Variants in CHKB observed in about 807,000 individuals in gnomAD.
The protein encoded by CHKB is choline kinase beta, also known as choline/ethanolamine kinase.
CHKB carries 45 observed loss-of-function variants against 57.3 expected under a neutral mutation model. That is an observed-to-expected ratio of 0.79 (90% CI 0.62 to 1.01). The LOEUF (loss-of-function observed/expected upper bound fraction) is 1.01, where lower values mean the gene tolerates loss of function less well. CHKB is among the 50% of genes least tolerant of loss of function. The pLI, the probability that CHKB is intolerant of heterozygous loss-of-function variation, is 0.00. For missense variants in CHKB, 517 were observed against 502.8 expected (o/e 1.03, Z -0.27); for synonymous variants, 224 against 201.8 (o/e 1.11, Z -0.93).
At chr22:50,581,210 C>T (rs571033372) in intron 4 of CHKB, among the ~76,000 whole-genome samples, 7 of 152,324 alleles carry the variant, frequency 4.6e-5, no homozygotes, top group Non-Finnish European at 7.4e-5. Context: ...AAGTGATCCT[C>T]CCACCTCACC....
rs86337 is a variant in CHKB at position 50,582,239 on chromosome 22, C to A, written c.333+10G>T. ...AGCCACTGGTGCTGCGGCGCTCACA[C>A]CCCCCTCACCTGCAAGATGGCTCCG... On this transcript the variant is annotated intron_variant, in intron 2 of 10. Coordinates refer to ENST00000406938, the MANE Select transcript of CHKB (RefSeq NM_005198.5). The A allele has an allele frequency of 0.6, 943,083 of 1,572,346 alleles. 287,622 individuals carry two copies. Among genetic ancestry groups the A allele is most frequent in the East Asian group, 0.96 (41,313 of 42,970 alleles).
chr22:50,580,668 C>A lies in CHKB; in HGVS notation c.582-8G>T. On this transcript the variant is annotated splice_region_variant and splice_polypyrimidine_tract_variant and intron_variant, in intron 4 of 10. Transcript: ENST00000406938. ...TGGATCTGTTTTAGGTACCTGAAGC[C>A]CAAAGAATAGGATACACTGGCTCTG... 1 of 1,613,592 alleles carries A rather than the reference C, an allele frequency of 6.2e-7. No homozygotes were observed.
At chr22:50,581,040 C>T (rs1447063855) in intron 4 of CHKB, among the ~76,000 whole-genome samples, 6 of 152,170 alleles carry the variant, frequency 3.9e-5, no homozygotes, top group South Asian at 2.1e-4. Context: ...CTCAGCCTCC[C>T]GAAGTGCTAG....
chr22:50,581,258 G>A (rs537001006), intron 4 of CHKB, among the ~76,000 whole-genome samples, 162 bp downstream of exon 4: 1 of 152,322 alleles, frequency 6.6e-6, no homozygotes, highest in East Asian at 1.9e-4. Flanking sequence ...ACAGGCATGA[G>A]GCACTGCATG....
rs1279414930 is a variant in CHKB, at chr22:50,581,878, C to T, written c.334-16G>A. ...AGTCCACGCCCTGAAAAAGGATGGA[C>T]AGCAAAGGGGCCAAGGCAAAGTGGC... On this transcript the variant is annotated splice_polypyrimidine_tract_variant and intron_variant, in intron 2 of 10. Transcript: ENST00000406938. The T allele has an allele frequency of 1.9e-6, 3 of 1,611,396 alleles. No individual in the cohort carries two copies. In the South Asian group the frequency reaches 3.3e-5, roughly 18 times the overall value.
chr22:50,582,471 G>T, intron 1 of CHKB, 87 bp downstream of exon 1: 2 of 1,483,556 alleles, frequency 1.3e-6, no homozygotes, highest in East Asian at 2.8e-5. Context: ...GCAAGAGGGG[G>T]GCGAAAACAT....
At chr22:50,580,489 G>A (rs1165067503) in intron 5 of CHKB, 73 bp from the exon 6 acceptor site, 4 of 1,609,604 alleles carry the variant, frequency 2.5e-6, no homozygotes, top group Non-Finnish European at 3.4e-6. Context: ...TAACAGGCCA[G>A]GCCCTGACAC....
chr22:50,579,190 G>A lies in CHKB; in HGVS notation c.1179C>T (p.Ser393=). 6.2e-7 allele frequency: 1 copy of A among 1,613,672 alleles called. No individual in the cohort carries two copies. Among genetic ancestry groups the A allele is most frequent in the African/African-American group, 1.3e-5 (1 of 75,016 alleles). ...QQKGQLTSVH[S]SS Reference sequence around the variant, plus strand: ...GAGTGGGAGGGTGGAGTCAGGATGAGGAGTGGACACTGGTCAGCTGCCCCT... The same window carrying A: ...GAGTGGGAGGGTGGAGTCAGGATGAAGAGTGGACACTGGTCAGCTGCCCCT... The change falls in exon 11 of 11, where the codon TCC becomes TCT. Residue 393 remains serine (S), a synonymous_variant. Transcript: ENST00000406938.
chr22:50,580,151 T>C, intron 7 of CHKB, 39 bp downstream of exon 7: 4 of 1,613,272 alleles, frequency 2.5e-6, no homozygotes, highest in Non-Finnish European at 3.4e-6. Flanking sequence ...AAGAGCCCTA[T>C]GGGAACAGAT....
chr22:50,582,835 GGCTCGGTTCCTTCCGGCCGC>G (rs144647670), exon 1 of CHKB: 86,326 of 1,480,198 alleles, frequency 0.058, 3,989 homozygotes, highest in East Asian at 0.24. Context: ...CCTTCGGACG[GGCTCGGTTCCTTCCGGCCGC>G]GCTCGGCTCC....
chr22:50,579,763 C>G lies in CHKB; in HGVS notation c.995G>C (p.Arg332Thr), dbSNP rs779368957. Reference protein sequence around the residue: ...KGETLSQEEQRKLEEDLLVEV... With the variant: ...KGETLSQEEQTKLEEDLLVEV... ...TACCAGCAAATCTTCTTCCAGTTTT[C>G]TCTGCTCCTCTTGGGAGAGGGTCTC... is the stretch of plus-strand genomic sequence containing the variant. The change falls in exon 9 of 11, where the codon AGA (arginine) becomes ACA (threonine). Residue 332 changes from arginine (R) to threonine (T), a missense_variant. Coordinates refer to ENST00000406938, the MANE Select transcript of CHKB (RefSeq NM_005198.5). The G allele has an allele frequency of 6.2e-7, 1 of 1,614,062 alleles. No homozygotes were observed. Among genetic ancestry groups the G allele is most frequent in the Non-Finnish European group, 8.5e-7 (1 of 1,180,014 alleles).
At chr22:50,582,387 C>A in intron 1 of CHKB, 30 bp from the exon 2 acceptor site, 6 of 1,526,350 alleles carry the variant, frequency 3.9e-6, no homozygotes, top group South Asian at 1.2e-5. Flanking sequence ...GCGCTCAGCC[C>A]GCGGCCGGCC....
At position 50,580,719 on chromosome 22, in the gene CHKB, C is replaced by G. The variant is rs1051566120; in HGVS notation, c.582-59G>C. ...CTATTCTTTCCCACCCCTCGCCTAT[C>G]TACCCCTCAGGCCAGACTACTGCAC... On this transcript the variant is annotated intron_variant, in intron 4 of 10. Coordinates refer to ENST00000406938, the MANE Select transcript of CHKB (RefSeq NM_005198.5). 2.7e-6 allele frequency: 4 copies of G among 1,503,386 alleles called. No individual in the cohort carries two copies. The African/African-American group carries it at 5.5e-5, about 21-fold the overall frequency. 93.1% of individuals were successfully genotyped at this position (1,503,386 alleles called of 1,614,324 possible). A position where few individuals can be genotyped will look rare whatever the true frequency, so the allele number is the denominator to read the frequency against.
chr22:50,582,358 C>A lies in CHKB; in HGVS notation c.225-1G>T. 1.3e-6 allele frequency: 2 copies of A among 1,554,118 alleles called. No homozygotes were observed. Among genetic ancestry groups the A allele is most frequent in the Non-Finnish European group, 1.7e-6 (2 of 1,151,428 alleles). The stretch of plus-strand genomic sequence containing the variant: ...GAAGAGCAGGTTGCTGAGGCCTCCG[C>A]TGCAGACCCACACCAGGCGCGCTCA... On this transcript the variant is annotated splice_acceptor_variant, in intron 1 of 10. Transcript: ENST00000406938. LOFTEE classifies it high-confidence loss of function.
At chr22:50,582,516 C>T in intron 1 of CHKB, 42 bp downstream of exon 1, 3 of 1,572,500 alleles carry the variant, frequency 1.9e-6, no homozygotes, top group Non-Finnish European at 2.6e-6. Flanking sequence ...TGACCCCTGA[C>T]CCCGATCCGC....
intron 4 of CHKB, 40 bp from the exon 5 acceptor site, chr22:50,580,700 T>A (rs780859142): frequency 2.1e-5 from 34 of 1,592,874 alleles, no homozygotes; most frequent in Non-Finnish European, 2.5e-5. Flanking sequence ...TCTGCTATTC[T>A]TTCCCACCCC....
At chr22:50,582,108 G>A (rs1227706742) in intron 2 of CHKB, 141 bp downstream of exon 2, 3 of 869,806 alleles carry the variant, frequency 3.4e-6, no homozygotes, top group Non-Finnish European at 5.6e-6. Flanking sequence ...GGGAATACAG[G>A]CCCAGGCTTC....
In CHKB at chr22:50,582,801, C is replaced by CCCAGG. The variant is rs763326838; in HGVS notation, c.-25_-21dup. The CCCAGG allele has an allele frequency of 6.5e-6, 10 of 1,546,152 alleles. No homozygotes were observed. The South Asian group carries it at 1.1e-4, about 16-fold the overall frequency. ...CGCCATGGCGCGGGCTCGACCGGGC[C>CCCAGG]CCAGGCCAGGCTGCGCTCCGCTCCC... is the stretch of plus-strand genomic sequence containing the variant. On this transcript the variant is annotated 5_prime_UTR_variant, in exon 1 of 11. Transcript: ENST00000406938.
In CHKB at chr22:50,579,498, C is replaced by T. The variant is rs773840563; in HGVS notation, c.1041G>A (p.Leu347=). The T allele has an allele frequency of 6.2e-7, 1 of 1,613,450 alleles. No homozygotes were observed. The highest frequency in any genetic ancestry group is 2.2e-5 in the East Asian group (1 of 44,880). ...ACAGACCCCAGAAGAAATGGGATGC[C>T]AGAGCATACCTGGGGGGAGGGCAGG... The part of the protein sequence containing the change: ...DLLVEVSRYA[L]ASHFFWGLWS... The change falls in exon 10 of 11, where the codon CTG becomes CTA. Residue 347 remains leucine, a synonymous_variant. Coordinates refer to ENST00000406938, the MANE Select transcript of CHKB (RefSeq NM_005198.5).
Sources: gnomAD v4.1 joint callset for allele counts (sites outside exome capture counted in the v4.1 genomes callset) on GRCh38, gnomAD v4.1.1 for gene constraint, MANE v1.5 for transcripts, NCBI Gene and HGNC (gene_info 2026-07-23, HGNC 2026-07-21) for gene names.